Variants in SRFBP1 observed in about 807,000 individuals in gnomAD.
The protein encoded by SRFBP1 is serum response factor-binding protein 1.
A neutral mutation model predicts 45.5 loss-of-function variants in SRFBP1; 47 were observed. The observed-to-expected ratio is 1.03, with a 90% CI of 0.82 to 1.32. SRFBP1 has a LOEUF of 1.32. Among genes scored for constraint, SRFBP1 ranks in the 40% most tolerant of loss-of-function variants. The pLI, the probability that SRFBP1 is intolerant of heterozygous loss-of-function variation, is 0.00. For missense variants in SRFBP1, 621 were observed against 484.6 expected (o/e 1.28, Z -2.64); for synonymous variants, 203 against 166.3 (o/e 1.22, Z -1.70).
chr5:122,000,959 C>T (rs1440060290), intron 4 of SRFBP1, among the ~76,000 whole-genome samples: 1 of 152,052 alleles, frequency 6.6e-6, no homozygotes, highest in African/African-American at 2.4e-5. Flanking sequence ...TCTCTGCCTT[C>T]AGGGGACTTG....
chr5:122,043,872 G>A (rs1201743871), intron 2 of SRFBP1, among the ~76,000 whole-genome samples: 1 of 152,046 alleles, frequency 6.6e-6, no homozygotes, highest in Non-Finnish European at 1.5e-5. Context: ...TAACTTTTAA[G>A]TTTTAGGGGT....
chr5:121,981,379 T>C (rs937643167), intron 3 of SRFBP1, among the ~76,000 whole-genome samples: 1 of 151,990 alleles, frequency 6.6e-6, no homozygotes, highest in African/African-American at 2.4e-5. Context: ...ATTCAAATCA[T>C]AATAGACTTC....
At position 122,066,902 on chromosome 5, in the gene SRFBP1, C is replaced by T. The variant is rs10053942; in HGVS notation, n.312-8413C>T. Among the ~76,000 whole-genome samples, 39,826 of 152,018 alleles carry T rather than the reference C, an allele frequency of 0.26. 6,710 individuals carry two copies. Among genetic ancestry groups the T allele is most frequent in the African/African-American group, 0.48 (19,972 of 41,458 alleles). ...CATGTTGTGAAATTATGCAGTAGTACATCATTTTAATAATGGTTTGAAGAA... is the reference window on the plus strand; with the variant it reads ...CATGTTGTGAAATTATGCAGTAGTATATCATTTTAATAATGGTTTGAAGAA... On this transcript the variant is annotated intron_variant and non_coding_transcript_variant, in intron 2 of 2. Transcript: ENST00000504881.
At chr5:121,966,454 G>A (rs930093527) in intron 1 of SRFBP1, among the ~76,000 whole-genome samples, 15 of 152,146 alleles carry the variant, frequency 9.9e-5, no homozygotes, top group Non-Finnish European at 1.5e-5. Flanking sequence ...GGTATATAAT[G>A]GGCAGATGAA....
intron 3 of SRFBP1, 120 bp from the exon 4 acceptor site, chr5:121,994,479 T>G (rs2112674982): frequency 1.5e-6 from 1 of 677,122 alleles, no homozygotes; most frequent in East Asian, 2.9e-5. Flanking sequence ...TGGGAGTTAA[T>G]TCTTTTCTCA....
intron 2 of SRFBP1, among the ~76,000 whole-genome samples, chr5:122,047,421 C>T (rs1338106928): frequency 1.3e-5 from 2 of 152,142 alleles, no homozygotes; most frequent in Admixed American, 1.3e-4. Flanking sequence ...TGTTTTGGTA[C>T]CAGTACCATG....
chr5:122,048,348 T>C (rs997434592), intron 2 of SRFBP1, among the ~76,000 whole-genome samples: 7 of 152,216 alleles, frequency 4.6e-5, no homozygotes, highest in Non-Finnish European at 5.9e-5. Context: ...GGATTCCGTT[T>C]ATTGATTTGT....
At chr5:122,061,816 T>C (rs1173224727) in intron 2 of SRFBP1, among the ~76,000 whole-genome samples, 1 of 151,982 alleles carries the variant, frequency 6.6e-6, no homozygotes, top group Non-Finnish European at 1.5e-5. Context: ...TTCACCATGT[T>C]CTGTAGTTTT....
At chr5:122,077,091 C>A, downstream of SRFBP1, 1 of 1,542,808 alleles carries the variant, frequency 6.5e-7, no homozygotes, top group Non-Finnish European at 8.7e-7. This position sits in a 1 kb window ranked among gnomAD's most constrained non-coding sequence, Gnocchi z 4.9. Context: ...TTACTCCTCA[C>A]CCTTCGCCCA....
chr5:122,058,028 CAAGAGG>C (rs774470608), intron 2 of SRFBP1, among the ~76,000 whole-genome samples: 23 of 151,920 alleles, frequency 1.5e-4, no homozygotes, highest in Non-Finnish European at 1.8e-4. Context: ...AATTATTGCC[CAAGAGG>C]AATTATTTAA....
intron 3 of SRFBP1, among the ~76,000 whole-genome samples, chr5:121,977,826 AAG>A (rs1206625650): frequency 1.1e-4 from 16 of 152,238 alleles, no homozygotes; most frequent in East Asian, 5.8e-4. Flanking sequence ...CTGGCCAACT[AAG>A]AAAAAAAATT....
At chr5:122,016,909 C>T (rs1335999662) in intron 4 of SRFBP1, among the ~76,000 whole-genome samples, 2 of 152,106 alleles carry the variant, frequency 1.3e-5, no homozygotes, top group African/African-American at 4.8e-5. Flanking sequence ...GCTGCCATAA[C>T]AAAGTATCAC....
chr5:122,077,438 T>A (rs760552928), downstream of SRFBP1: 2 of 1,614,078 alleles, frequency 1.2e-6, no homozygotes, highest in Admixed American at 3.3e-5. The surrounding 1 kb of genome is among the most constrained non-coding windows in gnomAD (Gnocchi z 4.9). Context: ...GTAGTTGTAA[T>A]AAGGGTTGTC....
chr5:122,002,742 G>A (rs900946369), intron 4 of SRFBP1, among the ~76,000 whole-genome samples: 1 of 152,136 alleles, frequency 6.6e-6, no homozygotes, highest in South Asian at 2.1e-4. Context: ...TTGTAATTAT[G>A]TGAGATGTGA....
chr5:122,041,708 CTGT>C (rs1301928252), intron 2 of SRFBP1, among the ~76,000 whole-genome samples: 1 of 152,016 alleles, frequency 6.6e-6, no homozygotes, highest in Admixed American at 6.6e-5. Context: ...AATAGTTTCT[CTGT>C]TGTTTCTCTT....
intron 1 of SRFBP1, among the ~76,000 whole-genome samples, chr5:121,965,184 T>A (rs766063788): frequency 3.9e-5 from 6 of 152,226 alleles, no homozygotes; most frequent in Non-Finnish European, 8.8e-5. Flanking sequence ...GAAGAAGCTC[T>A]TTAGTTTAAT....
intron 4 of SRFBP1, among the ~76,000 whole-genome samples, chr5:121,994,885 T>A (rs1435866860): frequency 2.0e-5 from 3 of 152,098 alleles, no homozygotes; most frequent in African/African-American, 7.2e-5. Context: ...CTTAAAGGTA[T>A]GTTGAACTTA....
chr5:121,986,264 C>T (rs966436682), intron 3 of SRFBP1, among the ~76,000 whole-genome samples: 4 of 151,852 alleles, frequency 2.6e-5, no homozygotes, highest in Middle Eastern at 3.2e-3. Flanking sequence ...GCTGCTGATA[C>T]GTTGAGTAAG....
intron 7 of SRFBP1, among the ~76,000 whole-genome samples, chr5:122,026,650 G>A (rs371357152): frequency 6.6e-6 from 1 of 152,128 alleles, no homozygotes; most frequent in East Asian, 1.9e-4. Context: ...GTACAACAGA[G>A]TGATTCCTTT....
Sources: allele counts gnomAD v4.1 joint callset (sites outside exome capture counted in the v4.1 genomes callset), GRCh38; gene constraint gnomAD v4.1.1; non-coding constraint Gnocchi (gnomAD v3.1); transcripts MANE v1.5; gene names NCBI Gene and HGNC (gene_info 2026-07-23, HGNC 2026-07-21).